The following SLFN12L variants were observed in gnomAD, a reference collection of about 807,000 sequenced individuals.
SLFN12L encodes the protein schlafen family member 12 like, also known as schlafen family member 12-like.
SLFN12L carries 34 observed loss-of-function variants against 34.8 expected under a neutral mutation model. The ratio of observed to expected loss-of-function variants is 0.98; its 90% CI spans 0.74 to 1.30. SLFN12L has a LOEUF of 1.30. Among genes scored for constraint, SLFN12L ranks in the 50% most tolerant of loss-of-function variants. SLFN12L has a pLI of 0.00. For missense variants in SLFN12L, 703 were observed against 696.2 expected, an observed-to-expected ratio of 1.01 and a Z score of -0.11; for synonymous variants, 259 against 247.5, an observed-to-expected ratio of 1.05 and a Z score of -0.44.
At chr17:35,498,685 C>G (rs1915185137) in intron 2 of SLFN12L, 1 of 1,587,382 alleles carries the variant, frequency 6.3e-7, no homozygotes, top group East Asian at 2.2e-5. Context: ...AAGCTTCGAG[C>G]ATTCCTAGAT....
chr17:35,535,190 C>CTT (rs35271725), intron 1 of SLFN12L, among the ~76,000 whole-genome samples: 4,209 of 131,230 alleles, frequency 0.032, 260 homozygotes, highest in African/African-American at 0.11. Context: ...TCTCTTTCTC[C>CTT]TTTTTTTTTT....
intron 1 of SLFN12L, among the ~76,000 whole-genome samples, chr17:35,532,540 A>T (rs1402247063): frequency 6.6e-6 from 1 of 152,210 alleles, no homozygotes; most frequent in Non-Finnish European, 1.5e-5. Context: ...GGACGTTATC[A>T]AGAAAAATTT....
chr17:35,513,264 T>A (rs1915713872), intron 2 of SLFN12L, among the ~76,000 whole-genome samples: 1 of 152,180 alleles, frequency 6.6e-6, no homozygotes, highest in Non-Finnish European at 1.5e-5. Flanking sequence ...AAATGTTCAC[T>A]TATATATACT....
At chr17:35,530,467 AGAAAG>A (rs1293140518) in intron 1 of SLFN12L, among the ~76,000 whole-genome samples, 7 of 62,982 alleles carry the variant, frequency 1.1e-4, no homozygotes, top group African/African-American at 3.3e-4. Context: ...AAAGAAAGAA[AGAAAG>A]AAAGAAAGAA....
intron 2 of SLFN12L, chr17:35,498,977 C>A: frequency 1.4e-6 from 1 of 704,914 alleles, no homozygotes; most frequent in South Asian, 1.3e-5. Context: ...ATGGGTGTCC[C>A]TCCCTCACTA....
chr17:35,502,818 C>T (rs757612415), intron 2 of SLFN12L, among the ~76,000 whole-genome samples: 1 of 151,872 alleles, frequency 6.6e-6, no homozygotes, highest in Non-Finnish European at 1.5e-5. Context: ...TGGAAAAGAA[C>T]GGTTATCTTC....
intron 3 of SLFN12L, among the ~76,000 whole-genome samples, 180 bp downstream of exon 3, chr17:35,478,937 A>G (rs78856173): frequency 0.07 from 10,588 of 152,324 alleles, 467 homozygotes; most frequent in East Asian, 0.15. Flanking sequence ...TAGTTATTGT[A>G]TGGAATATCT....
chr17:35,505,327 G>A (rs1237200441), intron 2 of SLFN12L, among the ~76,000 whole-genome samples: 6 of 152,186 alleles, frequency 3.9e-5, no homozygotes, highest in Admixed American at 3.9e-4. Flanking sequence ...TGGGGCCCTG[G>A]CTGAGGCCTG....
Position 35,484,448 on chromosome 17 carries a change from C to T in SLFN12L, c.87-4253G>A, listed in dbSNP as rs375222457. On this transcript the variant is annotated intron_variant, in intron 2 of 4. Coordinates refer to ENST00000628453, the MANE Select transcript of SLFN12L (RefSeq NM_001363830.2). ...ACTGAACCTCAGGGGGTTCAAAGCA[C>T]GTTCCATGTTCTGGAATGCCCTCCT... Among the ~76,000 whole-genome samples, 4 of 152,328 alleles carry T rather than the reference C, an allele frequency of 2.6e-5. No homozygotes were observed. The South Asian group carries it at 6.2e-4, about 24-fold the overall frequency.
chr17:35,530,667 C>T (rs796225037), intron 1 of SLFN12L, among the ~76,000 whole-genome samples: 7 of 151,882 alleles, frequency 4.6e-5, no homozygotes, highest in African/African-American at 1.2e-4. Context: ...GTAAAAGGAA[C>T]ATCAATGATT....
intron 2 of SLFN12L, among the ~76,000 whole-genome samples, chr17:35,496,559 A>C (rs1597854097): frequency 2.4e-5 from 2 of 82,142 alleles, no homozygotes; most frequent in Admixed American, 1.7e-4. Context: ...CCCTCCCCTC[A>C]TGACCTCGAC....
chr17:35,479,674 T>G lies in SLFN12L; in HGVS notation c.608A>C (p.Glu203Ala), dbSNP rs1914223815. 1 of 1,612,604 alleles carries G rather than the reference T, an allele frequency of 6.2e-7. No individual in the cohort carries two copies. The highest frequency in any genetic ancestry group is 8.5e-7 in the Non-Finnish European group (1 of 1,179,122). Reference protein sequence around the residue: ...KTGGRAYLRPEFPAKRACVDV... With the variant: ...KTGGRAYLRPAFPAKRACVDV... ...AACACAGGCCCTTTTTGCAGGGAAT[T>G]CTGGTCTTAAATATGCTCTCCCTCC... is the stretch of plus-strand genomic sequence containing the variant. Residue 203 changes from glutamate to alanine, a missense_variant, in exon 3 of 5, where the codon GAA (glutamate) becomes GCA (alanine). Physicochemically the swap from Glu to Ala is moderately radical, Grantham distance 107. Transcript: ENST00000628453.
chr17:35,535,156 T>C (rs2072446350), intron 1 of SLFN12L, among the ~76,000 whole-genome samples: 1 of 151,940 alleles, frequency 6.6e-6, no homozygotes, highest in South Asian at 2.1e-4. Context: ...CAAATGCTAG[T>C]GTTTCTAATC....
Position 35,479,717 on chromosome 17 carries a change from T to C in SLFN12L, c.565A>G (p.Lys189Glu). 1 of 1,614,170 alleles carries C rather than the reference T, an allele frequency of 6.2e-7. No homozygotes were observed. Among genetic ancestry groups the C allele is most frequent in the Non-Finnish European group, 8.5e-7 (1 of 1,180,002 alleles). The change falls in exon 3 of 5, where the codon AAA (lysine) becomes GAA (glutamate). Residue 189 changes from lysine (K) to glutamate (E), a missense_variant. By Grantham distance (56) the Lys-to-Glu change is moderately conservative. Transcript: ENST00000628453. ...MNASAALEFLKDMEKTGGRAY... is the reference protein window; with the variant it reads ...MNASAALEFLEDMEKTGGRAY... ...CTCCCTCCAGTTTTTTCCATGTCTT[T>C]GAGGAACTCCAGTGCAGCAGAAGCA...
intron 2 of SLFN12L, among the ~76,000 whole-genome samples, chr17:35,508,904 G>A (rs1915551827): frequency 6.6e-6 from 1 of 152,162 alleles, no homozygotes; most frequent in Admixed American, 6.5e-5. Flanking sequence ...AAGGAAGATA[G>A]CATTATGACA....
chr17:35,535,188 TC>T (rs990534509), intron 1 of SLFN12L, among the ~76,000 whole-genome samples: 2 of 142,418 alleles, frequency 1.4e-5, no homozygotes, highest in East Asian at 3.9e-4. Context: ...TCTCTCTTTC[TC>T]CTTTTTTTTT....
chr17:35,479,843 T>C lies in SLFN12L; in HGVS notation c.439A>G (p.Ile147Val). The change falls in exon 3 of 5, where the codon ATT becomes GTT. Residue 147 changes from isoleucine (I) to valine (V), a missense_variant. By Grantham distance (29) the Ile-to-Val change is conservative. Coordinates refer to ENST00000628453, the MANE Select transcript of SLFN12L (RefSeq NM_001363830.2). ...DFMQNGNYFHIFVKSWSLETS... is the reference protein window; with the variant it reads ...DFMQNGNYFHVFVKSWSLETS... ...TCCAAGCTCCATGATTTCACAAAAATGTGAAAGTAGTTACCATTCTGCATG... is the reference window on the plus strand; with the variant it reads ...TCCAAGCTCCATGATTTCACAAAAACGTGAAAGTAGTTACCATTCTGCATG... The C allele has an allele frequency of 1.9e-6, 3 of 1,607,632 alleles. No individual in the cohort carries two copies. Among genetic ancestry groups the C allele is most frequent in the Non-Finnish European group, 2.6e-6 (3 of 1,176,376 alleles).
chr17:35,478,971 A>C, intron 3 of SLFN12L, 146 bp downstream of exon 3: 1 of 616,924 alleles, frequency 1.6e-6, no homozygotes, highest in Non-Finnish European at 2.8e-6. Flanking sequence ...GCAGAAGAAA[A>C]CAAGAGGCAG....
rs1240994735 is a variant in SLFN12L at position 35,472,539 on chromosome 17, T to C, written c.*2384A>G. Among the ~76,000 whole-genome samples the C allele has an allele frequency of 1.3e-5, 2 of 152,212 alleles. No homozygotes were observed. Among genetic ancestry groups the C allele is most frequent in the Non-Finnish European group, 2.9e-5 (2 of 68,032 alleles). On this transcript the variant is annotated 3_prime_UTR_variant, in exon 5 of 5. Transcript: ENST00000628453. ...CATGCTGTTTTGGTTACTGTAGCCATGTAGTGTAGTTTGAAGTCAGGTAGC... is the reference window on the plus strand; with the variant it reads ...CATGCTGTTTTGGTTACTGTAGCCACGTAGTGTAGTTTGAAGTCAGGTAGC...
Sources: gnomAD v4.1 joint callset for allele counts (sites outside exome capture counted in the v4.1 genomes callset) on GRCh38, gnomAD v4.1.1 for gene constraint, MANE v1.5 for transcripts, NCBI Gene and HGNC (gene_info 2026-07-23, HGNC 2026-07-21) for gene names.